PTPRM: variants seen among roughly 807,000 people sequenced by gnomAD.
PTPRM encodes the protein protein tyrosine phosphatase receptor type M.
Under a neutral mutation model 186.7 loss-of-function variants are expected in PTPRM, and 47 were observed. The observed-to-expected ratio is 0.25, with a 90% confidence interval of 0.20 to 0.32. The LOEUF (loss-of-function observed/expected upper bound fraction) is 0.32. PTPRM is among the 10% of genes least tolerant of loss of function. The pLI, the probability that PTPRM is intolerant of heterozygous loss-of-function variation, is 1.00. For synonymous variants in PTPRM, 668 were observed against 674.9 expected, an observed-to-expected ratio of 0.99 and a Z score of 0.16; for missense variants, 1,494 against 1,865.0, an observed-to-expected ratio of 0.80 and a Z score of 3.66.
At chr18:8,321,424 C>T (rs1456674403) in intron 22 of PTPRM, among the ~76,000 whole-genome samples, 1 of 151,928 alleles carries the variant, frequency 6.6e-6, no homozygotes, top group Non-Finnish European at 1.5e-5. Context: ...CTCTCTGCCC[C>T]TCTCCCCCTG....
At chr18:8,076,985 G>A (rs1298798120) in intron 9 of PTPRM, among the ~76,000 whole-genome samples, 1 of 152,052 alleles carries the variant, frequency 6.6e-6, no homozygotes, top group Non-Finnish European at 1.5e-5. Context: ...ATTGTCTCAG[G>A]ACTAACAATA....
At chr18:8,156,646 C>G (rs1194597512) in intron 14 of PTPRM, among the ~76,000 whole-genome samples, 1 of 152,178 alleles carries the variant, frequency 6.6e-6, no homozygotes, top group Non-Finnish European at 1.5e-5. Context: ...GCTACCCTGG[C>G]TCAGGCAAGT....
intron 6 of PTPRM, among the ~76,000 whole-genome samples, chr18:7,952,688 C>CA (rs759055250): frequency 0.04 from 3,789 of 93,766 alleles, 77 homozygotes; most frequent in African/African-American, 0.087. Flanking sequence ...GACTCCATCT[C>CA]AAAAAAAAAA....
At chr18:8,355,564 C>G (rs1204764285) in intron 23 of PTPRM, among the ~76,000 whole-genome samples, 1 of 152,032 alleles carries the variant, frequency 6.6e-6, no homozygotes, top group African/African-American at 2.4e-5. Context: ...GTGGAAGTGA[C>G]AAGGGGAAAG....
chr18:8,362,611 C>T (rs923012826), intron 23 of PTPRM, among the ~76,000 whole-genome samples: 1 of 152,192 alleles, frequency 6.6e-6, no homozygotes, highest in African/African-American at 2.4e-5. Context: ...TAGAATATCC[C>T]TCTCTTCCAT....
At chr18:8,304,424 A>G (rs1391200966) in intron 20 of PTPRM, among the ~76,000 whole-genome samples, 1 of 152,136 alleles carries the variant, frequency 6.6e-6, no homozygotes, top group Non-Finnish European at 1.5e-5. Context: ...GTTTGTTGTG[A>G]CAAGGTCTTT....
intron 1 of PTPRM, among the ~76,000 whole-genome samples, chr18:7,731,563 C>T (rs1385065404): frequency 6.6e-6 from 1 of 152,088 alleles, no homozygotes; most frequent in East Asian, 1.9e-4. Flanking sequence ...CATAACAAGG[C>T]CATCTAAGTT....
intron 1 of PTPRM, among the ~76,000 whole-genome samples, chr18:7,693,625 G>T (rs1365887265): frequency 6.6e-6 from 1 of 152,216 alleles, no homozygotes; most frequent in Non-Finnish European, 1.5e-5. Context: ...GTCCCACTTA[G>T]GTTCTTGGTT....
intron 31 of PTPRM, among the ~76,000 whole-genome samples, chr18:8,390,957 A>AATG (rs1322445922): frequency 6.7e-6 from 1 of 149,460 alleles, no homozygotes; most frequent in Admixed American, 6.7e-5. Flanking sequence ...TAATAATAAT[A>AATG]ATAATAATAA....
intron 14 of PTPRM, among the ~76,000 whole-genome samples, chr18:8,232,677 A>G (rs2094301378): frequency 6.6e-6 from 1 of 152,096 alleles, no homozygotes; most frequent in African/African-American, 2.4e-5. Flanking sequence ...ATGGGGTTTC[A>G]CCATGTTGGC....
intron 1 of PTPRM, among the ~76,000 whole-genome samples, chr18:7,639,720 A>G (rs1028804513): frequency 6.6e-6 from 1 of 152,160 alleles, no homozygotes; most frequent in African/African-American, 2.4e-5. Context: ...CATATTCCAC[A>G]TGCTGTTTAC....
intron 28 of PTPRM, among the ~76,000 whole-genome samples, 194 bp from the exon 29 acceptor site, chr18:8,380,102 G>A (rs1035451922): frequency 6.6e-6 from 1 of 152,200 alleles, no homozygotes; most frequent in Non-Finnish European, 1.5e-5. Flanking sequence ...ATCAAAGTAA[G>A]ACTTTTATCA....
intron 22 of PTPRM, among the ~76,000 whole-genome samples, chr18:8,337,278 A>G (rs758640603): frequency 5.3e-5 from 8 of 152,070 alleles, no homozygotes; most frequent in Middle Eastern, 3.2e-3. Context: ...CAATCCTCCC[A>G]TCTCTGCCTC....
At chr18:8,055,326 A>G (rs1328995127) in intron 7 of PTPRM, among the ~76,000 whole-genome samples, 1 of 151,390 alleles carries the variant, frequency 6.6e-6, no homozygotes, top group African/African-American at 2.4e-5. Context: ...TCCTATTTCT[A>G]TTTTTCTGTG....
At chr18:7,983,765 G>T (rs2082685541) in intron 7 of PTPRM, among the ~76,000 whole-genome samples, 1 of 152,082 alleles carries the variant, frequency 6.6e-6, no homozygotes. Context: ...ATCTGTGAAA[G>T]GTCATTATCA....
chr18:7,966,715 G>A (rs1265157903), intron 7 of PTPRM, among the ~76,000 whole-genome samples: 4 of 145,996 alleles, frequency 2.7e-5, no homozygotes, highest in Middle Eastern at 3.4e-3. Flanking sequence ...GGAAAATCGG[G>A]TCACTCCCAC....
intron 1 of PTPRM, among the ~76,000 whole-genome samples, chr18:7,756,864 G>C (rs1294024042): frequency 6.6e-6 from 1 of 152,114 alleles, no homozygotes; most frequent in Non-Finnish European, 1.5e-5. Context: ...TTGCCAGGCT[G>C]CTGTGCATGG....
chr18:8,379,595 C>G (rs745559244), intron 28 of PTPRM, among the ~76,000 whole-genome samples: 1 of 152,190 alleles, frequency 6.6e-6, no homozygotes, highest in Non-Finnish European at 1.5e-5. Flanking sequence ...AGAGCTGAGA[C>G]TTTTAACCTG....
intron 4 of PTPRM, 31 bp from the exon 5 acceptor site, chr18:7,926,537 T>G: frequency 1.3e-6 from 2 of 1,530,692 alleles, no homozygotes; most frequent in Non-Finnish European, 1.8e-6. Context: ...ATCTCCACTT[T>G]TAATATCTTT....
Sources: gnomAD v4.1 joint callset for allele counts (sites outside exome capture counted in the v4.1 genomes callset) on GRCh38, gnomAD v4.1.1 for gene constraint, MANE v1.5 for transcripts, NCBI Gene and HGNC (gene_info 2026-07-23, HGNC 2026-07-21) for gene names.